The following ROS1 variants were observed in gnomAD, a reference collection of about 807,000 sequenced individuals.
ROS1 encodes the protein proto-oncogene tyrosine-protein kinase ROS.
Under a neutral mutation model 273.5 loss-of-function variants are expected in ROS1, and 263 were observed. The ratio of observed to expected loss-of-function variants is 0.96; its 90% CI spans 0.87 to 1.06. ROS1 has a LOEUF of 1.06. Among genes scored for constraint, ROS1 ranks in the 50% least tolerant of loss-of-function variants. The probability of loss-of-function intolerance (pLI) is 0.00; values close to 1 mark genes in which losing one functional copy is unlikely to be tolerated. For missense variants in ROS1, 2,833 were observed against 2,751.1 expected, an observed-to-expected ratio of 1.03 and a Z score of -0.67; for synonymous variants, 1,008 against 954.1, an observed-to-expected ratio of 1.06 and a Z score of -1.04.
chr6:117,302,359 T>G (rs1774800503), intron 42 of ROS1, among the ~76,000 whole-genome samples: 2 of 152,184 alleles, frequency 1.3e-5, no homozygotes, highest in South Asian at 4.1e-4. Context: ...ACGAGGCTTA[T>G]GTGACTTCTA....
At chr6:117,386,359 T>C (rs1233276501) in intron 15 of ROS1, among the ~76,000 whole-genome samples, 1 of 152,222 alleles carries the variant, frequency 6.6e-6, no homozygotes. Context: ...AACAATTAGA[T>C]AACTATGGAA....
intron 19 of ROS1, 83 bp from the exon 20 acceptor site, chr6:117,365,824 A>T (rs1177353650): frequency 9.2e-7 from 1 of 1,083,536 alleles, no homozygotes; most frequent in African/African-American, 1.6e-5. Flanking sequence ...AATCAATAGC[A>T]ATTACTAATA....
In ROS1 at chr6:117,337,990, A is replaced by G. The variant is rs998492220; in HGVS notation, c.5062-650T>C. 2.0e-5 allele frequency among the ~76,000 whole-genome samples: 3 copies of G among 152,102 alleles called. No homozygotes were observed. In the East Asian group the frequency reaches 5.8e-4, roughly 29 times the overall value. On this transcript the variant is annotated intron_variant, in intron 31 of 43. Coordinates refer to ENST00000368507, the MANE Select transcript of ROS1 (RefSeq NM_001378902.1). The stretch of plus-strand genomic sequence containing the variant: ...GAAAATCTTGTTTTCATTCCACTTT[A>G]GATATTGGGCCTCTAATTGCAGCTA...
chr6:117,370,588 C>G (rs931230085), intron 18 of ROS1, among the ~76,000 whole-genome samples: 1 of 151,862 alleles, frequency 6.6e-6, no homozygotes, highest in Admixed American at 6.6e-5. Flanking sequence ...GATATTTAAA[C>G]AAGTAGAAGT....
intron 1 of ROS1, among the ~76,000 whole-genome samples, chr6:117,419,158 A>G (rs1775563679): frequency 6.6e-6 from 1 of 152,186 alleles, no homozygotes; most frequent in Non-Finnish European, 1.5e-5. Context: ...GCAGCATTCT[A>G]TCACTGAGCT....
chr6:117,394,584 A>C, intron 10 of ROS1, 32 bp downstream of exon 10: 2 of 1,489,492 alleles, frequency 1.3e-6, no homozygotes, highest in Non-Finnish European at 1.8e-6. Context: ...TTCTTTTCAC[A>C]CTAAGGAATC....
chr6:117,350,375 A>G lies in ROS1; in HGVS notation c.4303+2615T>C, dbSNP rs117135245. Among the ~76,000 whole-genome samples the G allele has an allele frequency of 1.5e-3, 231 of 152,010 alleles. 5 individuals are homozygous for G. In the East Asian group the frequency reaches 0.043, roughly 28 times the overall value. On this transcript the variant is annotated intron_variant, in intron 27 of 43. Coordinates refer to ENST00000368507, the MANE Select transcript of ROS1 (RefSeq NM_001378902.1). Reference sequence around the variant, plus strand: ...ATAATTCTTATCTTTGTTCCTCTATAGGTTAAGTATTTTTTCCTCTGGCTT... The same window carrying G: ...ATAATTCTTATCTTTGTTCCTCTATGGGTTAAGTATTTTTTCCTCTGGCTT...
intron 39 of ROS1, among the ~76,000 whole-genome samples, chr6:117,312,651 G>A (rs1775628104): frequency 6.6e-6 from 1 of 152,002 alleles, no homozygotes; most frequent in Admixed American, 6.6e-5. Context: ...CCTGCTGACA[G>A]ATTTTCATAA....
At chr6:117,389,259 G>A in intron 13 of ROS1, 91 bp downstream of exon 13, 15 of 1,422,464 alleles carry the variant, frequency 1.1e-5, no homozygotes, top group African/African-American at 1.4e-5. Context: ...AGCCAAATGG[G>A]GCTCTCAAAA....
Position 117,303,648 on chromosome 6 carries a change from T to C in ROS1, c.6552-2511A>G, listed in dbSNP as rs535374852. ...ACAGGGCAGGCAAGGAGTTGGATTT[T>C]ACAACACTACAAGGGGAAGCTTTTC... On this transcript the variant is annotated intron_variant, in intron 42 of 43. Coordinates refer to ENST00000368507, the MANE Select transcript of ROS1 (RefSeq NM_001378902.1). Among the ~76,000 whole-genome samples, 6 of 152,326 alleles carry C rather than the reference T, an allele frequency of 3.9e-5. No homozygotes were observed. The South Asian group carries it at 1.0e-3, about 26-fold the overall frequency.
At chr6:117,310,370 A>T (rs1686024915) in intron 40 of ROS1, 89 bp from the exon 41 acceptor site, 5 of 951,242 alleles carry the variant, frequency 5.3e-6, no homozygotes, top group Non-Finnish European at 7.6e-6. Flanking sequence ...GTCTGTAAAG[A>T]AGAGAAACTA....
Position 117,396,896 on chromosome 6 carries a change from T to G in ROS1, c.806+19A>C. The stretch of plus-strand genomic sequence containing the variant: ...CAGCCATGCTGGTTACATTTTCCTC[T>G]GTATCACTTAATTCTTACCTGTAGA... On this transcript the variant is annotated intron_variant, in intron 8 of 43. Transcript: ENST00000368507. 6.5e-7 allele frequency: 1 copy of G among 1,549,404 alleles called. No individual in the cohort carries two copies. The highest frequency in any genetic ancestry group is 2.2e-5 in the East Asian group (1 of 44,588).
At chr6:117,326,808 T>C (rs1416369020) in intron 33 of ROS1, among the ~76,000 whole-genome samples, 1 of 152,238 alleles carries the variant, frequency 6.6e-6, no homozygotes, top group Non-Finnish European at 1.5e-5. Flanking sequence ...AGTTTACTTA[T>C]GCCATATTTC....
chr6:117,340,388 T>C (rs11970711), intron 31 of ROS1, among the ~76,000 whole-genome samples: 3,860 of 152,270 alleles, frequency 0.025, 84 homozygotes, highest in Non-Finnish European at 0.039. Context: ...GATTTGCTTT[T>C]GAGTTACCAC....
At chr6:117,292,265 T>C (rs796263871) in intron 43 of ROS1, among the ~76,000 whole-genome samples, 12 of 152,282 alleles carry the variant, frequency 7.9e-5, no homozygotes, top group Non-Finnish European at 1.6e-4. Flanking sequence ...CCACAGCGCC[T>C]GGCCCTCTGT....
intron 32 of ROS1, among the ~76,000 whole-genome samples, chr6:117,330,249 C>T (rs775467098): frequency 4.6e-5 from 7 of 152,198 alleles, no homozygotes; most frequent in Non-Finnish European, 7.4e-5. Flanking sequence ...ACCCATCCTT[C>T]CTCAGTGGGT....
intron 12 of ROS1, among the ~76,000 whole-genome samples, chr6:117,390,965 G>A (rs915450580): frequency 6.6e-6 from 1 of 152,152 alleles, no homozygotes; most frequent in African/African-American, 2.4e-5. Context: ...TTTACAATTC[G>A]TGATTATGGA....
At chr6:117,330,463 AG>A (rs1424999232) in intron 32 of ROS1, among the ~76,000 whole-genome samples, 2 of 152,318 alleles carry the variant, frequency 1.3e-5, no homozygotes, top group East Asian at 3.9e-4. Context: ...CCTCTCCACC[AG>A]GGGACAAAGT....
At chr6:117,330,976 T>A (rs1301538204) in intron 32 of ROS1, among the ~76,000 whole-genome samples, 1 of 152,186 alleles carries the variant, frequency 6.6e-6, no homozygotes, top group Non-Finnish European at 1.5e-5. Flanking sequence ...GGTGCAGAAC[T>A]GGGCGGAGGA....
Sources: gnomAD v4.1 joint callset for allele counts (sites outside exome capture counted in the v4.1 genomes callset) on GRCh38, gnomAD v4.1.1 for gene constraint, MANE v1.5 for transcripts, NCBI Gene and HGNC (gene_info 2026-07-23, HGNC 2026-07-21) for gene names.